The following AGRN variants were observed in gnomAD, a reference collection of about 807,000 sequenced individuals.
AGRN encodes agrin proteoglycan.
Under a neutral mutation model 211.0 loss-of-function variants are expected in AGRN, and 106 were observed. The observed-to-expected ratio is 0.50, with a 90% CI of 0.43 to 0.59. AGRN has a LOEUF of 0.59. Ranked by LOEUF, AGRN falls within the 20% of genes least tolerant of loss-of-function variation. AGRN has a pLI of 0.00. For missense variants in AGRN, 3,040 were observed against 2,982.6 expected, an observed-to-expected ratio of 1.02 and a Z score of -0.45; for synonymous variants, 1,525 against 1,332.5, an observed-to-expected ratio of 1.14 and a Z score of -3.15.
At position 1,055,120 on chromosome 1, in the gene AGRN, G is replaced by A; in HGVS notation, c.*139G>A. 3 of 1,383,774 alleles carry A rather than the reference G, an allele frequency of 2.2e-6. No individual in the cohort carries two copies. The highest frequency in any genetic ancestry group is 2.9e-5 in the African/African-American group (2 of 69,900). 85.7% of individuals were successfully genotyped at this position (1,383,774 alleles called of 1,614,324 possible). A position where few individuals can be genotyped will look rare whatever the true frequency, so the allele number is the denominator to read the frequency against. ...TCCCTTCCGTCCAGGCAGCCGTGCTGCAGACAGACCTAGTGCCGAGGGATG... is the reference window on the plus strand; with the variant it reads ...TCCCTTCCGTCCAGGCAGCCGTGCTACAGACAGACCTAGTGCCGAGGGATG... On this transcript the variant is annotated 3_prime_UTR_variant, in exon 36 of 36. Transcript: ENST00000379370.
intron 12 of AGRN, 60 bp from the exon 13 acceptor site, chr1:1,045,100 CT>C: frequency 6.4e-7 from 1 of 1,557,180 alleles, no homozygotes; most frequent in Non-Finnish European, 8.8e-7. Flanking sequence ...GGCAGACTGG[CT>C]GGGTCCAGGG....
chr1:1,051,939 C>CT, intron 33 of AGRN, 124 bp downstream of exon 33: 1 of 1,549,228 alleles, frequency 6.5e-7, no homozygotes, highest in Non-Finnish European at 8.7e-7. Flanking sequence ...CCTCCCGCCT[C>CT]TCTCTCACCT....
intron 2 of AGRN, among the ~76,000 whole-genome samples, chr1:1,026,981 G>T (rs1433413598): frequency 6.6e-6 from 1 of 152,216 alleles, no homozygotes; most frequent in African/African-American, 2.4e-5. Context: ...GAATGAGGCA[G>T]GTCTCTAGCG....
At position 1,043,655 on chromosome 1, in the gene AGRN, A is replaced by T. The variant is rs749074796; in HGVS notation, c.1721A>T (p.Tyr574Phe). The T allele has an allele frequency of 1.9e-5, 30 of 1,601,392 alleles. No individual in the cohort carries two copies. The Admixed American group carries it at 4.8e-4, about 26-fold the overall frequency. ...QPVCGSDGHT[Y>F]PSECMLHVHA... ...GTGTGTGGCTCCGACGGGCACACGT[A>T]CCCCAGCGAGTGCATGCTGCACGTG... Residue 574 changes from tyrosine to phenylalanine, a missense_variant, in exon 9 of 36, where the codon TAC (tyrosine) becomes TTC (phenylalanine). Tyr to Phe is a conservative substitution (Grantham distance 22). This residue lies in a region of AGRN where 1,498 missense variants were observed against 1,457.8 expected (regional missense o/e 1.03). Coordinates refer to ENST00000379370, the MANE Select transcript of AGRN (RefSeq NM_198576.4).
Position 1,045,233 on chromosome 1 carries a change from A to G in AGRN, c.2327A>G (p.Asp776Gly). Reference sequence around the variant, plus strand: ...CAGACGCCCTACGGCTGCTGCCAGGACAATATCACCGCAGCCCGGGGCGTG... The same window carrying G: ...CAGACGCCCTACGGCTGCTGCCAGGGCAATATCACCGCAGCCCGGGGCGTG... ...CAQTPYGCCQDNITAARGVGL... is the reference protein window; with the variant it reads ...CAQTPYGCCQGNITAARGVGL... Residue 776 changes from aspartate to glycine, a missense_variant, in exon 13 of 36, where the codon GAC becomes GGC. Around this residue, in one of 3 missense-constraint regions of AGRN, gnomAD observed 1,498 missense variants for 1,457.8 expected, o/e 1.03. Transcript: ENST00000379370. 1.2e-6 allele frequency: 2 copies of G among 1,612,402 alleles called. No homozygotes were observed. Among genetic ancestry groups the G allele is most frequent in the Non-Finnish European group, 1.7e-6 (2 of 1,179,832 alleles).
In AGRN at chr1:1,048,352, C is replaced by T. The variant is rs954452613; in HGVS notation, c.4092C>T (p.Ala1364=). The T allele has an allele frequency of 1.5e-5, 22 of 1,464,806 alleles. No individual in the cohort carries two copies. Among genetic ancestry groups the T allele is most frequent in the African/African-American group, 1.3e-4 (9 of 70,554 alleles). 90.7% of individuals were successfully genotyped at this position (1,464,806 alleles called of 1,614,324 possible). A position where few individuals can be genotyped will look rare whatever the true frequency, so the allele number is the denominator to read the frequency against. ...GCTGCCCGGCAGGCAGGGGAGGCGC[C>T]GTCTGTGAGAAGGGTAAGGATGTCC... ...TCSCPAGRGG[A]VCEKVLGAPV... is the part of the protein sequence containing the mutation. Residue 1364 remains alanine, a synonymous_variant, in exon 23 of 36, where the codon GCC becomes GCT. Transcript: ENST00000379370. This position sits in a 1 kb window ranked among gnomAD's most constrained non-coding sequence, Gnocchi z 5.9.
At position 1,047,814 on chromosome 1, in the gene AGRN, C is replaced by T. The variant is rs753681540; in HGVS notation, c.3670C>T (p.Leu1224Phe). 4 of 1,603,322 alleles carry T rather than the reference C, an allele frequency of 2.5e-6. No individual in the cohort carries two copies. Among genetic ancestry groups the T allele is most frequent in the African/African-American group, 2.7e-5 (2 of 74,694 alleles). ...FRAPDVARALLRQIQVSRRRS... is the reference protein window; with the variant it reads ...FRAPDVARALFRQIQVSRRRS... ...GGCACCCGACGTGGCCCGGGCCCTG[C>T]TCCGGCAGATCCAGGTGTCCAGGCG... Residue 1224 changes from leucine to phenylalanine, a missense_variant, in exon 22 of 36, where the codon CTC becomes TTC. By Grantham distance (22) the Leu-to-Phe change is conservative. Transcript: ENST00000379370.
Position 1,044,117 on chromosome 1 carries a change from G to A in AGRN, c.2008G>A (p.Gly670Ser), listed in dbSNP as rs777497420. ...RAGPCEQAEC[G>S]SGGSGSGEDG... ...GCTCCCCTTCCCCGCAGCCGAGTGC[G>A]GTTCCGGAGGCTCTGGCTCTGGGGA... The change falls in exon 11 of 36, where the codon GGT becomes AGT. Residue 670 changes from glycine (G) to serine (S), a missense_variant. Around this residue, in one of 3 missense-constraint regions of AGRN, gnomAD observed 1,498 missense variants for 1,457.8 expected, o/e 1.03. Transcript: ENST00000379370. 3.7e-5 allele frequency: 60 copies of A among 1,613,136 alleles called. No individual in the cohort carries two copies. Among genetic ancestry groups the A allele is most frequent in the Non-Finnish European group, 4.1e-5 (48 of 1,179,930 alleles).
chr1:1,052,191 TC>T, intron 33 of AGRN: 1 of 747,778 alleles, frequency 1.3e-6, no homozygotes, highest in Non-Finnish European at 2.0e-6. Context: ...CAGTCGCCCC[TC>T]CCAGGGCACA....
intron 2 of AGRN, among the ~76,000 whole-genome samples, chr1:1,029,389 C>CAGTGTCTATGCAGGCAGGTGGGGGGAGG (rs1644597624): frequency 7.6e-6 from 1 of 131,990 alleles, no homozygotes; most frequent in African/African-American, 3.0e-5. Context: ...GTGGGGGGAT[C>CAGTGTCTATGCAGGCAGGTGGGGGGAGG]AGTGTCTATG....
At chr1:1,024,898 C>G (rs1022035344) in intron 2 of AGRN, among the ~76,000 whole-genome samples, 13 of 152,218 alleles carry the variant, frequency 8.5e-5, no homozygotes, top group African/African-American at 2.7e-4. Context: ...CGGAAGGAGA[C>G]CCCCGCCCCT....
intron 4 of AGRN, 89 bp downstream of exon 4, chr1:1,040,969 GCGGGGGC>G: frequency 2.5e-6 from 1 of 404,896 alleles, no homozygotes; most frequent in Non-Finnish European, 3.6e-6. Flanking sequence ...GGCCAGTGGG[GCGGGGGC>G]AGGGGCGGGG....
chr1:1,051,425 G>C (rs769435027), intron 31 of AGRN, 28 bp from the exon 32 acceptor site: 7 of 1,541,990 alleles, frequency 4.5e-6, no homozygotes, highest in South Asian at 1.2e-5. Flanking sequence ...GGTGGCAGGC[G>C]GGACAAGGCC....
In AGRN at chr1:1,040,696, C is replaced by G. The variant is rs780614154; in HGVS notation, c.543C>G (p.Ala181=). 12 of 1,547,648 alleles carry G rather than the reference C, an allele frequency of 7.8e-6. No individual in the cohort carries two copies. The South Asian group carries it at 1.2e-4, about 15-fold the overall frequency. Residue 181 remains alanine, a synonymous_variant, in exon 4 of 36, where the codon GCC becomes GCG. Coordinates refer to ENST00000379370, the MANE Select transcript of AGRN (RefSeq NM_198576.4). ...GGGGAATGCTGTGCGGCTTCGGCGC[C>G]GTGTGCGAGCCCAACGCGGAGGGGC... The part of the protein sequence containing the change: ...ACRGMLCGFG[A]VCEPNAEGPG...
intron 3 of AGRN, among the ~76,000 whole-genome samples, chr1:1,035,735 G>C (rs951446415): frequency 7.9e-5 from 12 of 152,308 alleles, no homozygotes; most frequent in African/African-American, 2.9e-4. Flanking sequence ...GGAGCTTGCA[G>C]GGAAGGCTGA....
Position 1,046,919 on chromosome 1 carries a change from A to C in AGRN, c.3350A>C (p.Lys1117Thr). 1 of 1,580,008 alleles carries C rather than the reference A, an allele frequency of 6.3e-7. No homozygotes were observed. The highest frequency in any genetic ancestry group is 8.6e-7 in the Non-Finnish European group (1 of 1,163,844). ...NSALGCCSDG[K>T]TPSLDAEGSN... ...GCGTTGGGCTGCTGCTCTGATGGGA[A>C]GACGCCCTCGCTGGACGCAGAGGGC... Residue 1117 changes from lysine to threonine, a missense_variant, in exon 19 of 36, where the codon AAG becomes ACG. By Grantham distance (78) the Lys-to-Thr change is moderately conservative (BLOSUM62 -1). This residue lies in a region of AGRN where 1,537 missense variants were observed against 1,505.0 expected (regional missense o/e 1.02). Transcript: ENST00000379370.
chr1:1,049,736 C>A lies in AGRN; in HGVS notation c.4685C>A (p.Ala1562Asp). ...PCLPNPCHGG[A>D]PCQNLEAGRF... ...CTGCCCAACCCCTGCCATGGCGGGG[C>A]CCCATGCCAGAACCTGGAGGCTGGA... The change falls in exon 26 of 36, where the codon GCC (alanine) becomes GAC (aspartate). Residue 1562 changes from alanine (A) to aspartate (D), a missense_variant. Physicochemically the swap from Ala to Asp is moderately radical, Grantham distance 126. Transcript: ENST00000379370. The A allele has an allele frequency of 6.3e-7, 1 of 1,578,738 alleles. No individual in the cohort carries two copies. Among genetic ancestry groups the A allele is most frequent in the Admixed American group, 1.9e-5 (1 of 53,428 alleles).
At position 1,050,836 on chromosome 1, in the gene AGRN, C is replaced by A; in HGVS notation, c.5252C>A (p.Pro1751Gln). 6.4e-7 allele frequency: 1 copy of A among 1,568,768 alleles called. No homozygotes were observed. The highest frequency in any genetic ancestry group is 2.3e-5 in the East Asian group (1 of 42,960). ...GDGPRVLGESPVPHTVLNLKE... is the reference protein window; with the variant it reads ...GDGPRVLGESQVPHTVLNLKE... Reference sequence around the variant, plus strand: ...GGCCCCCGTGTGTTGGGGGAGTCCCCGGTGAGTGCTCTGGGCCGCGAGGGG... The same window carrying A: ...GGCCCCCGTGTGTTGGGGGAGTCCCAGGTGAGTGCTCTGGGCCGCGAGGGG... Residue 1751 changes from proline (P) to glutamine (Q), a missense_variant and splice_region_variant, in exon 30 of 36, where the codon CCG becomes CAG. By Grantham distance (76) the Pro-to-Gln change is moderately conservative. Around this residue, in one of 3 missense-constraint regions of AGRN, gnomAD observed 1,537 missense variants for 1,505.0 expected, o/e 1.02. Coordinates refer to ENST00000379370, the MANE Select transcript of AGRN (RefSeq NM_198576.4).
intron 3 of AGRN, among the ~76,000 whole-genome samples, chr1:1,038,292 A>G (rs535441534): frequency 6.6e-6 from 1 of 152,304 alleles, no homozygotes; most frequent in African/African-American, 2.4e-5. Context: ...ATGGGGAGCC[A>G]GTGCTCAGCC....
Sources: gnomAD v4.1 joint callset for allele counts (sites outside exome capture counted in the v4.1 genomes callset) on GRCh38, gnomAD v4.1.1 for gene constraint, gnomAD v4.1.1 regional missense constraint, Gnocchi (gnomAD v3.1) non-coding constraint, MANE v1.5 for transcripts, NCBI Gene and HGNC (gene_info 2026-07-23, HGNC 2026-07-21) for gene names.